Variants in GLG1 observed in about 807,000 individuals in gnomAD.
GLG1 encodes the protein golgi glycoprotein 1, also known as Golgi apparatus protein 1.
GLG1 carries 38 observed loss-of-function variants against 160.5 expected under a neutral mutation model. That is an observed-to-expected ratio of 0.24 (90% CI 0.18 to 0.31). The LOEUF (loss-of-function observed/expected upper bound fraction) is 0.31. Ranked by LOEUF, GLG1 falls within the 10% of genes least tolerant of loss-of-function variation. The probability of loss-of-function intolerance (pLI) is 1.00; values close to 1 mark genes in which losing one functional copy is unlikely to be tolerated. For missense variants in GLG1, 1,373 were observed against 1,505.2 expected, an observed-to-expected ratio of 0.91 and a Z score of 1.45; for synonymous variants, 644 against 543.4, an observed-to-expected ratio of 1.19 and a Z score of -2.57.
chr16:74,501,727 G>A (rs886211829), intron 4 of GLG1, among the ~76,000 whole-genome samples: 3 of 152,186 alleles, frequency 2.0e-5, no homozygotes, highest in African/African-American at 7.2e-5. Context: ...GACTTTAAAA[G>A]GAGCCAGGTT....
At chr16:74,484,258 G>A (rs943020827) in intron 9 of GLG1, among the ~76,000 whole-genome samples, 5 of 152,056 alleles carry the variant, frequency 3.3e-5, no homozygotes, top group African/African-American at 9.7e-5. Flanking sequence ...TTTGTTGTTG[G>A]GTATGGCCAA....
chr16:74,534,142 G>A (rs2017620470), intron 1 of GLG1, among the ~76,000 whole-genome samples: 1 of 152,002 alleles, frequency 6.6e-6, no homozygotes, highest in Admixed American at 6.5e-5. Context: ...ATATAACACA[G>A]TACTTTTGAA....
intron 11 of GLG1, among the ~76,000 whole-genome samples, chr16:74,479,715 T>C (rs1597247113): frequency 6.6e-6 from 1 of 152,108 alleles, no homozygotes; most frequent in Non-Finnish European, 1.5e-5. Context: ...TGCATGTCAG[T>C]GCGCACCGGG....
rs766190424 is a variant in GLG1 at position 74,485,836 on chromosome 16, T to G, written c.1531A>C (p.Ile511Leu). The G allele has an allele frequency of 6.2e-7, 1 of 1,613,096 alleles. No individual in the cohort carries two copies. Among genetic ancestry groups the G allele is most frequent in the East Asian group, 2.2e-5 (1 of 44,874 alleles). ...RALNEACESV[I>L]QTACKHIRSG... ...CTTATATGTTTGCAGGCTGTCTGGATTACAGATTCACAAGCTTCATTCAAA... is the reference window on the plus strand; with the variant it reads ...CTTATATGTTTGCAGGCTGTCTGGAGTACAGATTCACAAGCTTCATTCAAA... The change falls in exon 9 of 26, where the codon ATC (isoleucine) becomes CTC (leucine). Residue 511 changes from isoleucine to leucine, a missense_variant. By Grantham distance (5) the Ile-to-Leu change is conservative (BLOSUM62 2). Transcript: ENST00000422840.
intron 1 of GLG1, among the ~76,000 whole-genome samples, chr16:74,574,811 G>C (rs975666170): frequency 1.4e-5 from 2 of 144,638 alleles, no homozygotes; most frequent in Non-Finnish European, 3.0e-5. Context: ...TTGAACTCGG[G>C]AGGTGGAGGT....
chr16:74,586,758 G>C (rs1958062677), intron 1 of GLG1, among the ~76,000 whole-genome samples: 1 of 151,920 alleles, frequency 6.6e-6, no homozygotes, highest in Non-Finnish European at 1.5e-5. Flanking sequence ...GAGTGCAGTG[G>C]CGTGATCTCA....
intron 25 of GLG1, among the ~76,000 whole-genome samples, chr16:74,454,095 G>C (rs1169856704): frequency 6.6e-6 from 1 of 151,878 alleles, no homozygotes; most frequent in Non-Finnish European, 1.5e-5. Context: ...GGCTGGTCTT[G>C]AACTCCTGAC....
chr16:74,456,321 T>G (rs544693013), intron 25 of GLG1, among the ~76,000 whole-genome samples: 9 of 152,324 alleles, frequency 5.9e-5, no homozygotes, highest in African/African-American at 1.9e-4. Flanking sequence ...AAAAGCACAC[T>G]GACCATGTTT....
intron 1 of GLG1, among the ~76,000 whole-genome samples, chr16:74,574,882 T>TAAAAAAAA (rs1567533255): frequency 2.7e-4 from 1 of 3,730 alleles, no homozygotes; most frequent in African/African-American, 1.6e-3. Context: ...AGACTCTGTC[T>TAAAAAAAA]CAAAAAAAAA....
chr16:74,602,977 G>C (rs997927100), intron 1 of GLG1, among the ~76,000 whole-genome samples: 1 of 151,316 alleles, frequency 6.6e-6, no homozygotes, highest in African/African-American at 2.4e-5. Flanking sequence ...CCTGGCCAAG[G>C]TGATGAAGAG....
chr16:74,462,465 G>A, intron 21 of GLG1, 23 bp downstream of exon 21: 1 of 1,601,168 alleles, frequency 6.2e-7, no homozygotes, highest in Non-Finnish European at 8.6e-7. Flanking sequence ...ATACACCTTT[G>A]TGGAGAGCCC....
chr16:74,464,001 T>C (rs2014906165), intron 19 of GLG1: 1 of 157,526 alleles, frequency 6.3e-6, no homozygotes, highest in South Asian at 1.9e-4. Context: ...TGGTCACCCT[T>C]AACATCTATC....
chr16:74,479,874 A>G (rs923812546), intron 11 of GLG1, among the ~76,000 whole-genome samples: 5 of 152,308 alleles, frequency 3.3e-5, no homozygotes, highest in Middle Eastern at 6.8e-3. Context: ...TCAGCTGCCA[A>G]GAGGAGAAGC....
At chr16:74,474,368 A>T in intron 13 of GLG1, 178 bp downstream of exon 13, 1 of 584,864 alleles carries the variant, frequency 1.7e-6, no homozygotes, top group Non-Finnish European at 3.0e-6. Flanking sequence ...TGAGGGAAGG[A>T]GCTCACAAAG....
intron 23 of GLG1, 82 bp downstream of exon 23, chr16:74,459,600 G>A: frequency 2.7e-6 from 2 of 738,414 alleles, no homozygotes; most frequent in Non-Finnish European, 4.6e-6. Flanking sequence ...TATTACCAAG[G>A]TAGGCAGACT....
intron 1 of GLG1, among the ~76,000 whole-genome samples, chr16:74,536,909 T>C (rs2017702405): frequency 6.6e-6 from 1 of 152,178 alleles, no homozygotes; most frequent in South Asian, 2.1e-4. Flanking sequence ...TGTGGAGGCA[T>C]CAAATTAGAA....
At chr16:74,477,120 C>G (rs2015412499) in intron 12 of GLG1, among the ~76,000 whole-genome samples, 1 of 152,076 alleles carries the variant, frequency 6.6e-6, no homozygotes, top group African/African-American at 2.4e-5. Context: ...ACCATTGGCT[C>G]TAGAAGTTTT....
chr16:74,568,138 G>A (rs768609820), intron 1 of GLG1, among the ~76,000 whole-genome samples: 1 of 152,196 alleles, frequency 6.6e-6, no homozygotes, highest in Non-Finnish European at 1.5e-5. Context: ...TTGCCACAAC[G>A]TGGAGACTGT....
intron 1 of GLG1, among the ~76,000 whole-genome samples, chr16:74,561,773 G>A (rs944446054): frequency 6.6e-6 from 1 of 152,166 alleles, no homozygotes; most frequent in Non-Finnish European, 1.5e-5. Flanking sequence ...GAATCACAGA[G>A]ATCCTGCACA....
Sources: gnomAD v4.1 joint callset for allele counts (sites outside exome capture counted in the v4.1 genomes callset) on GRCh38, gnomAD v4.1.1 for gene constraint, MANE v1.5 for transcripts, NCBI Gene and HGNC (gene_info 2026-07-23, HGNC 2026-07-21) for gene names.